The following PDE2A variants were observed in gnomAD, a reference collection of about 807,000 sequenced individuals.
The protein encoded by PDE2A is phosphodiesterase 2A.
PDE2A carries 53 observed loss-of-function variants against 133.6 expected under a neutral mutation model. The ratio of observed to expected loss-of-function variants is 0.40; its 90% CI spans 0.32 to 0.50. PDE2A has a LOEUF of 0.50. PDE2A is among the 20% of genes least tolerant of loss of function. The pLI, the probability that PDE2A is intolerant of heterozygous loss-of-function variation, is 0.73. For synonymous variants in PDE2A, 491 were observed against 490.2 expected, an observed-to-expected ratio of 1.00 and a Z score of -0.02; for missense variants, 796 against 1,232.4, an observed-to-expected ratio of 0.65 and a Z score of 5.30.
In PDE2A at chr11:72,581,495, G is replaced by A; in HGVS notation, c.1923-16C>T. On this transcript the variant is annotated splice_polypyrimidine_tract_variant and intron_variant, in intron 22 of 30. Transcript: ENST00000334456. ...CAAACAGAACCTGGGGGAGGGAAGA[G>A]GGCAGAAGAGGGGCCTCAGCCTCTC... The A allele has an allele frequency of 6.3e-7, 1 of 1,578,792 alleles. No individual in the cohort carries two copies. Among genetic ancestry groups the A allele is most frequent in the Non-Finnish European group, 8.6e-7 (1 of 1,162,386 alleles).
At chr11:72,655,267 C>G (rs547447063) in intron 1 of PDE2A, among the ~76,000 whole-genome samples, 79 of 150,594 alleles carry the variant, frequency 5.2e-4, no homozygotes, top group African/African-American at 1.9e-3. Context: ...GATCGACTGT[C>G]TCCCAGCCTC....
chr11:72,623,637 A>C lies in PDE2A; in HGVS notation c.145-14886T>G, dbSNP rs140529283. On this transcript the variant is annotated intron_variant, in intron 2 of 30. Coordinates refer to ENST00000334456, the MANE Select transcript of PDE2A (RefSeq NM_002599.5). The stretch of plus-strand genomic sequence containing the variant: ...TTCTGCCTCCTTGTCCTCCCACCCC[A>C]CTAGTGCTGACCCTCCCCCTTGCCT... Among the ~76,000 whole-genome samples the C allele has an allele frequency of 1.8e-3, 271 of 150,276 alleles. 2 individuals are homozygous for C. Among genetic ancestry groups the C allele is most frequent in the African/African-American group, 6.4e-3 (260 of 40,744 alleles).
At chr11:72,637,021 T>C (rs1026928373) in intron 2 of PDE2A, among the ~76,000 whole-genome samples, 5 of 148,690 alleles carry the variant, frequency 3.4e-5, no homozygotes, top group East Asian at 1.9e-4. Context: ...CTCCATGGAG[T>C]GGTGCTGCCA....
chr11:72,641,921 CG>C (rs2049238458), intron 2 of PDE2A, among the ~76,000 whole-genome samples: 1 of 152,102 alleles, frequency 6.6e-6, no homozygotes, highest in Non-Finnish European at 1.5e-5. Context: ...GTGAAGGTTC[CG>C]AGGCGTGGGC....
intron 5 of PDE2A, 64 bp from the exon 6 acceptor site, chr11:72,596,712 G>A (rs1004001791): frequency 1.7e-4 from 181 of 1,076,994 alleles, no homozygotes; most frequent in Middle Eastern, 4.5e-4. Context: ...TACCGAGCCG[G>A]GACCCAGGTG....
In PDE2A at chr11:72,624,022, T is replaced by C. The variant is rs192939937; in HGVS notation, c.145-15271A>G. 1.8e-4 allele frequency among the ~76,000 whole-genome samples: 27 copies of C among 151,762 alleles called. No homozygotes were observed. The East Asian group carries it at 3.1e-3, about 17-fold the overall frequency. ...CTTTTTTTTTTTTTGAGATGGTATTTCACTCGTCACCCAGGCTGGAGTGCA... is the reference window on the plus strand; with the variant it reads ...CTTTTTTTTTTTTTGAGATGGTATTCCACTCGTCACCCAGGCTGGAGTGCA... On this transcript the variant is annotated intron_variant, in intron 2 of 30. Transcript: ENST00000334456.
At chr11:72,636,025 GC>G in intron 2 of PDE2A, 2 of 1,264,600 alleles carry the variant, frequency 1.6e-6, no homozygotes, top group South Asian at 1.3e-5. Context: ...CCCAGTGGCA[GC>G]CCCCAGTAGA....
intron 23 of PDE2A, 57 bp from the exon 24 acceptor site, chr11:72,581,030 A>C: frequency 8.4e-7 from 1 of 1,192,104 alleles, no homozygotes; most frequent in Non-Finnish European, 1.3e-6. Flanking sequence ...TCCCTCCCTA[A>C]ATCCCCAAGA....
At chr11:72,639,957 T>C (rs1858882961) in intron 2 of PDE2A, among the ~76,000 whole-genome samples, 1 of 151,902 alleles carries the variant, frequency 6.6e-6, no homozygotes. Context: ...ACAGACCTCA[T>C]TCCTCACACA....
intron 11 of PDE2A, among the ~76,000 whole-genome samples, 169 bp from the exon 12 acceptor site, chr11:72,589,409 G>A (rs1038877504): frequency 6.6e-6 from 1 of 152,140 alleles, no homozygotes; most frequent in Non-Finnish European, 1.5e-5. Flanking sequence ...GGCAGAATTC[G>A]CTATAAAGGA....
intron 2 of PDE2A, among the ~76,000 whole-genome samples, chr11:72,617,551 T>C (rs1857536558): frequency 6.6e-6 from 1 of 152,222 alleles, no homozygotes; most frequent in Non-Finnish European, 1.5e-5. Flanking sequence ...CTTTGTCCTA[T>C]GACTGTATTT....
At position 72,642,289 on chromosome 11, in the gene PDE2A, G is replaced by A; in HGVS notation, c.109C>T (p.Pro37Ser). The A allele has an allele frequency of 1.3e-6, 2 of 1,522,964 alleles. No homozygotes were observed. The highest frequency in any genetic ancestry group is 8.8e-7 in the Non-Finnish European group (1 of 1,138,068). 94.3% of individuals were successfully genotyped at this position (1,522,964 alleles called of 1,614,324 possible). A position where few individuals can be genotyped will look rare whatever the true frequency, so the allele number is the denominator to read the frequency against. ...TCGGCGCATGGCTGCGGCGGCGGCG[G>A]CGGCTCGTCCGGCTTGAGGAAGACC... ...QQVFLKPDEP[P>S]PPPQPCADSL... The change falls in exon 2 of 31, where the codon CCG becomes TCG. Residue 37 changes from proline to serine, a missense_variant. By Grantham distance (74) the Pro-to-Ser change is moderately conservative. Transcript: ENST00000334456.
chr11:72,644,432 C>T (rs1859073185), intron 1 of PDE2A, among the ~76,000 whole-genome samples: 1 of 152,342 alleles, frequency 6.6e-6, no homozygotes, highest in East Asian at 1.9e-4. Context: ...GGGGATGACC[C>T]ATGTAAGGGC....
At chr11:72,594,826 C>T (rs1856398865) in intron 6 of PDE2A, among the ~76,000 whole-genome samples, 1 of 152,200 alleles carries the variant, frequency 6.6e-6, no homozygotes, top group South Asian at 2.1e-4. Flanking sequence ...TGATGAGGTA[C>T]CACTTGCTGC....
Position 72,584,207 on chromosome 11 carries a change from G to A in PDE2A, c.1644C>T (p.Ile548=), listed in dbSNP as rs1855854249. Residue 548 remains isoleucine (I), a synonymous_variant, in exon 19 of 31, where the codon ATC becomes ATT. Transcript: ENST00000334456. ...TAFSIYCGIS[I]AHSLLYKKVN... The stretch of plus-strand genomic sequence containing the variant: ...CTCCCAACCCCGCCCTCACATGGGC[G>A]ATGCTGATGCCGCAGTAGATGGAGA... 1.3e-6 allele frequency: 2 copies of A among 1,574,864 alleles called. No homozygotes were observed. The highest frequency in any genetic ancestry group is 1.7e-6 in the Non-Finnish European group (2 of 1,145,224).
At position 72,577,137 on chromosome 11, in the gene PDE2A, G is replaced by T; in HGVS notation, c.*247C>A. On this transcript the variant is annotated 3_prime_UTR_variant, in exon 31 of 31. Transcript: ENST00000334456. ...AGGTGTGGTCAGAGGTGCAGAGTAG[G>T]GCCCACTGCTCATTGGTCACCCCTG... is the stretch of plus-strand genomic sequence containing the variant. 2.0e-6 allele frequency: 1 copy of T among 510,708 alleles called. No homozygotes were observed. Among genetic ancestry groups the T allele is most frequent in the Non-Finnish European group, 3.5e-6 (1 of 285,768 alleles). The allele number at this position is 510,708 out of a possible 1,614,324, so 31.6% of individuals were successfully genotyped here. A position where few individuals can be genotyped will look rare whatever the true frequency, so the allele number is the denominator to read the frequency against.
chr11:72,647,141 A>C (rs1410335073), intron 1 of PDE2A, among the ~76,000 whole-genome samples: 2 of 152,070 alleles, frequency 1.3e-5, no homozygotes, highest in Non-Finnish European at 2.9e-5. Flanking sequence ...CATCTCACAC[A>C]CTTGGTCCTG....
At position 72,590,008 on chromosome 11, in the gene PDE2A, G is replaced by A. The variant is rs1856163051; in HGVS notation, c.757-27C>T. ...TGAGAGAGGGACAGGCAGGGCGAGG[G>A]GGTGACCGCGGATCCGGGTCACCCC... On this transcript the variant is annotated intron_variant, in intron 9 of 30. Coordinates refer to ENST00000334456, the MANE Select transcript of PDE2A (RefSeq NM_002599.5). The surrounding 1 kb of genome is among the most constrained non-coding windows in gnomAD (Gnocchi z 4.8). 2 of 1,591,994 alleles carry A rather than the reference G, an allele frequency of 1.3e-6. No individual in the cohort carries two copies. The highest frequency in any genetic ancestry group is 8.6e-7 in the Non-Finnish European group (1 of 1,166,936).
chr11:72,615,003 C>A, intron 2 of PDE2A: 1 of 418,700 alleles, frequency 2.4e-6, no homozygotes. Context: ...TACCCCCTCC[C>A]GCTCCATGCC....
Sources: gnomAD v4.1 joint callset for allele counts (sites outside exome capture counted in the v4.1 genomes callset) on GRCh38, gnomAD v4.1.1 for gene constraint, Gnocchi (gnomAD v3.1) non-coding constraint, MANE v1.5 for transcripts, NCBI Gene and HGNC (gene_info 2026-07-23, HGNC 2026-07-21) for gene names.